TMEM132C: variants seen among roughly 807,000 people sequenced by gnomAD.
The protein encoded by TMEM132C is protein phosphatase 1, regulatory subunit 152.
Under a neutral mutation model 61.4 loss-of-function variants are expected in TMEM132C, and 29 were observed. The ratio of observed to expected loss-of-function variants is 0.47; its 90% CI spans 0.35 to 0.64. The LOEUF (loss-of-function observed/expected upper bound fraction) is 0.64, where lower values mean the gene tolerates loss of function less well. TMEM132C is among the 30% of genes least tolerant of loss of function. The pLI is 0.00. For synonymous variants in TMEM132C, 656 were observed against 633.1 expected (o/e 1.04, Z -0.54); for missense variants, 1,408 against 1,476.9 (o/e 0.95, Z 0.76).
At chr12:128,487,528 A>C (rs1871541660) in intron 2 of TMEM132C, among the ~76,000 whole-genome samples, 1 of 151,870 alleles carries the variant, frequency 6.6e-6, no homozygotes, top group Non-Finnish European at 1.5e-5. Flanking sequence ...ATACACAAGC[A>C]CACACGTGAA....
chr12:128,360,456 G>A (rs978647673), intron 1 of TMEM132C, among the ~76,000 whole-genome samples: 12 of 152,146 alleles, frequency 7.9e-5, no homozygotes, highest in Admixed American at 5.2e-4. Flanking sequence ...CTTAGGAACC[G>A]AATGCTTAAC....
At chr12:128,497,412 A>C (rs968305446) in intron 2 of TMEM132C, among the ~76,000 whole-genome samples, 3 of 152,192 alleles carry the variant, frequency 2.0e-5, no homozygotes, top group Non-Finnish European at 2.9e-5. Flanking sequence ...TTGTTTGGCT[A>C]TGCCCTGCCC....
intron 3 of TMEM132C, among the ~76,000 whole-genome samples, chr12:128,607,762 C>T (rs909813984): frequency 5.9e-5 from 9 of 152,092 alleles, no homozygotes; most frequent in East Asian, 1.9e-4. Flanking sequence ...ACTCTTTGGG[C>T]GTGTTAGGTA....
chr12:128,330,352 A>C (rs1022482823), intron 1 of TMEM132C, among the ~76,000 whole-genome samples: 1 of 152,186 alleles, frequency 6.6e-6, no homozygotes, highest in African/African-American at 2.4e-5. Context: ...TGTGATCCCC[A>C]TAACCAACCT....
At chr12:128,295,719 C>A (rs1284755384) in intron 1 of TMEM132C, among the ~76,000 whole-genome samples, 3 of 151,156 alleles carry the variant, frequency 2.0e-5, no homozygotes, top group Non-Finnish European at 2.9e-5. Context: ...ACATAAAATT[C>A]TGCTCAGTGA....
At chr12:128,289,899 T>C (rs886512308) in intron 1 of TMEM132C, among the ~76,000 whole-genome samples, 1 of 152,158 alleles carries the variant, frequency 6.6e-6, no homozygotes. Context: ...ATGTTTCACC[T>C]CAAATTATCT....
intron 1 of TMEM132C, among the ~76,000 whole-genome samples, chr12:128,348,015 G>A (rs1873226972): frequency 6.6e-6 from 1 of 152,202 alleles, no homozygotes; most frequent in South Asian, 2.1e-4. Context: ...GCATGAATAT[G>A]TAATCAATTT....
chr12:128,615,328 C>G (rs12823395), intron 3 of TMEM132C, among the ~76,000 whole-genome samples: 43,101 of 152,066 alleles, frequency 0.28, 7,283 homozygotes, highest in Middle Eastern at 0.39. Flanking sequence ...GATTCAAGTA[C>G]ATTACATTTA....
intron 3 of TMEM132C, among the ~76,000 whole-genome samples, chr12:128,577,349 A>G (rs2136177758): frequency 1.3e-5 from 2 of 152,238 alleles, no homozygotes; most frequent in East Asian, 3.9e-4. Context: ...GTCTCTTTTC[A>G]CGGTTGGGAG....
At chr12:128,295,784 A>C (rs1444810954) in intron 1 of TMEM132C, among the ~76,000 whole-genome samples, 2 of 151,706 alleles carry the variant, frequency 1.3e-5, no homozygotes, top group Non-Finnish European at 2.9e-5. Flanking sequence ...AAAAAAAAAA[A>C]ACCTTAAAAA....
At chr12:128,359,357 A>C (rs1873622872) in intron 1 of TMEM132C, among the ~76,000 whole-genome samples, 2 of 152,158 alleles carry the variant, frequency 1.3e-5, no homozygotes, top group Admixed American at 1.3e-4. Context: ...CCTTTATAAA[A>C]CCATCAGATC....
intron 2 of TMEM132C, among the ~76,000 whole-genome samples, chr12:128,449,425 A>G (rs910670816): frequency 2.0e-5 from 3 of 152,192 alleles, no homozygotes; most frequent in African/African-American, 7.2e-5. Context: ...CTTTGACTTC[A>G]TTAAGTTAAT....
At chr12:128,306,739 T>C (rs900484869) in intron 1 of TMEM132C, among the ~76,000 whole-genome samples, 3 of 152,226 alleles carry the variant, frequency 2.0e-5, no homozygotes, top group African/African-American at 4.8e-5. Flanking sequence ...ATTTCCCATC[T>C]ATCAATTGGA....
intron 1 of TMEM132C, among the ~76,000 whole-genome samples, chr12:128,305,705 T>C (rs1871751977): frequency 6.6e-6 from 1 of 152,170 alleles, no homozygotes. Flanking sequence ...TCTGAAGAAC[T>C]GCCATTTGCA....
chr12:128,382,614 G>A (rs1395081963), intron 1 of TMEM132C, among the ~76,000 whole-genome samples: 2 of 152,102 alleles, frequency 1.3e-5, no homozygotes, highest in African/African-American at 2.4e-5. Flanking sequence ...CTATTCCTAT[G>A]CACCCAACCT....
At chr12:128,612,942 T>C (rs80005538) in intron 3 of TMEM132C, among the ~76,000 whole-genome samples, 1,859 of 152,254 alleles carry the variant, frequency 0.012, 51 homozygotes, top group African/African-American at 0.042. Context: ...CTTTCCTCCC[T>C]GCACAATGGG....
At chr12:128,623,107 C>A (rs1357061384) in intron 4 of TMEM132C, among the ~76,000 whole-genome samples, 1 of 152,152 alleles carries the variant, frequency 6.6e-6, no homozygotes, top group Non-Finnish European at 1.5e-5. Flanking sequence ...GCCTTGGTAG[C>A]GATGTTTGCA....
intron 1 of TMEM132C, among the ~76,000 whole-genome samples, chr12:128,377,965 T>C (rs1565917604): frequency 6.6e-6 from 1 of 152,166 alleles, no homozygotes; most frequent in Non-Finnish European, 1.5e-5. Context: ...ACAAGTTATT[T>C]GTGCTGGTGT....
At chr12:128,670,524 T>G (rs1309533670) in intron 5 of TMEM132C, among the ~76,000 whole-genome samples, 1 of 152,214 alleles carries the variant, frequency 6.6e-6, no homozygotes, top group Non-Finnish European at 1.5e-5. Context: ...GATCGTGCAG[T>G]GTTTGTCTTT....
Sources: allele counts gnomAD v4.1 joint callset (sites outside exome capture counted in the v4.1 genomes callset), GRCh38; gene constraint gnomAD v4.1.1; transcripts MANE v1.5; gene names NCBI Gene and HGNC (gene_info 2026-07-23, HGNC 2026-07-21).